MCM9: variants seen among roughly 807,000 people sequenced by gnomAD.
MCM9 encodes the protein minichromosome maintenance 9 homologous recombination repair factor.
MCM9 carries 55 observed loss-of-function variants against 72.8 expected under a neutral mutation model. The observed-to-expected ratio is 0.76, with a 90% confidence interval of 0.61 to 0.95. The LOEUF is 0.95. MCM9 is among the 40% of genes least tolerant of loss of function. The probability of loss-of-function intolerance (pLI) is 0.00; values close to 1 mark genes in which losing one functional copy is unlikely to be tolerated. For missense variants in MCM9, 1,279 were observed against 1,377.0 expected (o/e 0.93, Z 1.13); for synonymous variants, 480 against 503.4 (o/e 0.95, Z 0.62).
chr6:118,874,705 A>T (rs1351444326), intron 8 of MCM9, among the ~76,000 whole-genome samples: 1 of 152,268 alleles, frequency 6.6e-6, no homozygotes, highest in African/African-American at 2.4e-5. Flanking sequence ...CTGAGAAAAA[A>T]ATACTCATGG....
chr6:118,894,297 T>C (rs1429695500), intron 8 of MCM9: 7 of 1,489,228 alleles, frequency 4.7e-6, no homozygotes, highest in Non-Finnish European at 6.2e-6. Context: ...AAGTCGCCGC[T>C]GCACGACGTC....
chr6:118,854,456 G>A (rs944064911), intron 9 of MCM9, among the ~76,000 whole-genome samples: 11 of 152,274 alleles, frequency 7.2e-5, no homozygotes, highest in East Asian at 1.9e-4. Context: ...AGGTTCAAGC[G>A]ATTCTCCTGC....
intron 8 of MCM9, among the ~76,000 whole-genome samples, chr6:118,882,590 A>C (rs1331642910): frequency 1.3e-5 from 2 of 152,342 alleles, no homozygotes. Flanking sequence ...TGCCAAAAAG[A>C]ACAGAGCAAT....
At chr6:118,923,422 T>C (rs1003664594) in intron 4 of MCM9, among the ~76,000 whole-genome samples, 1 of 152,110 alleles carries the variant, frequency 6.6e-6, no homozygotes, top group Non-Finnish European at 1.5e-5. Flanking sequence ...GTAGCTGCGA[T>C]TATAAGCACA....
At position 118,815,537 on chromosome 6, in the gene MCM9, T is replaced by C. The variant is rs561412771; in HGVS notation, c.2719A>G (p.Ile907Val). ...GAACCTGGAGGCTTAACATTTTCAATTGCAGGCTCTTCCACTTGCGCAAGG... is the reference window on the plus strand; with the variant it reads ...GAACCTGGAGGCTTAACATTTTCAACTGCAGGCTCTTCCACTTGCGCAAGG... ...KSLAQVEEPA[I>V]ENVKPPGSPV... Residue 907 changes from isoleucine (I) to valine (V), a missense_variant, in exon 14 of 14, where the codon ATT becomes GTT. Coordinates refer to ENST00000619706, the MANE Select transcript of MCM9 (RefSeq NM_017696.3). 3.9e-6 allele frequency: 6 copies of C among 1,548,408 alleles called. No individual in the cohort carries two copies. The highest frequency in any genetic ancestry group is 1.2e-5 in the South Asian group (1 of 83,550).
At chr6:118,909,888 G>A (rs1412539238) in intron 8 of MCM9, among the ~76,000 whole-genome samples, 2 of 152,218 alleles carry the variant, frequency 1.3e-5, no homozygotes, top group East Asian at 1.9e-4. Context: ...AGGCTGAGGC[G>A]GGTGGATCAT....
chr6:118,830,870 C>T (rs1438214393), intron 9 of MCM9, among the ~76,000 whole-genome samples: 1 of 152,082 alleles, frequency 6.6e-6, no homozygotes, highest in African/African-American at 2.4e-5. Context: ...AACAGAACTG[C>T]TGGGGAAAGA....
intron 9 of MCM9, among the ~76,000 whole-genome samples, chr6:118,841,903 C>T (rs1429521548): frequency 6.6e-6 from 1 of 151,560 alleles, no homozygotes; most frequent in Non-Finnish European, 1.5e-5. Context: ...GGCGTGATCC[C>T]AGCTCACTGC....
intron 9 of MCM9, among the ~76,000 whole-genome samples, chr6:118,836,975 A>C (rs1775005331): frequency 6.6e-6 from 1 of 152,096 alleles, no homozygotes; most frequent in South Asian, 2.1e-4. Context: ...GGGGTGCTGA[A>C]TTTAGATCTT....
chr6:118,929,556 G>A (rs1021336677), intron 3 of MCM9, among the ~76,000 whole-genome samples: 15 of 152,198 alleles, frequency 9.9e-5, no homozygotes, highest in African/African-American at 3.4e-4. Context: ...AGACAGGATT[G>A]TATTACTTAA....
At chr6:118,917,835 C>A in intron 5 of MCM9, 74 bp from the exon 6 acceptor site, 1 of 1,314,918 alleles carries the variant, frequency 7.6e-7, no homozygotes, top group South Asian at 1.2e-5. Context: ...GACAAAGGAC[C>A]AGAAATTAGA....
chr6:118,830,058 G>A (rs1414846222), intron 9 of MCM9, among the ~76,000 whole-genome samples: 1 of 152,178 alleles, frequency 6.6e-6, no homozygotes, highest in Non-Finnish European at 1.5e-5. Context: ...AGAGGGACAA[G>A]GTAGTCCTAA....
intron 3 of MCM9, 52 bp from the exon 4 acceptor site, chr6:118,924,179 C>T: frequency 1.4e-6 from 2 of 1,478,414 alleles, no homozygotes; most frequent in Middle Eastern, 1.8e-4. Flanking sequence ...AGATTTGACT[C>T]CAAGGGATAT....
rs111567589 is a variant in MCM9 at position 118,829,188 on chromosome 6, T to C, written c.1388A>G (p.Tyr463Cys). 1 of 1,550,702 alleles carries C rather than the reference T, an allele frequency of 6.4e-7. No homozygotes were observed. The highest frequency in any genetic ancestry group is 1.2e-5 in the South Asian group (1 of 84,060). ...CACAGACACGGACTCCTGGGGGTCG[T>C]ACTGGCCTTTGGGGTTCGTTGCTGC... ...ILAATNPKGQ[Y>C]DPQESVSVNI... Residue 463 changes from tyrosine to cysteine, a missense_variant, in exon 10 of 14, where the codon TAC (tyrosine) becomes TGC (cysteine). By Grantham distance (194) the Tyr-to-Cys change is radical. Coordinates refer to ENST00000619706, the MANE Select transcript of MCM9 (RefSeq NM_017696.3).
chr6:118,825,655 A>AT (rs1774119608), intron 13 of MCM9, among the ~76,000 whole-genome samples: 1 of 152,202 alleles, frequency 6.6e-6, no homozygotes, highest in African/African-American at 2.4e-5. Flanking sequence ...AGAAGTCCAC[A>AT]TATTTCGGGA....
At chr6:118,886,862 G>T (rs563445954) in intron 8 of MCM9, among the ~76,000 whole-genome samples, 1 of 152,260 alleles carries the variant, frequency 6.6e-6, no homozygotes, top group South Asian at 2.1e-4. Flanking sequence ...CTACTCTGGA[G>T]GCTGACGTTG....
chr6:118,930,564 A>C (rs1782337786), intron 3 of MCM9, among the ~76,000 whole-genome samples: 1 of 152,232 alleles, frequency 6.6e-6, no homozygotes, highest in East Asian at 1.9e-4. Context: ...TTTATACAAT[A>C]ATGGCATAGT....
Position 118,913,298 on chromosome 6 carries a change from T to C in MCM9, c.1027A>G (p.Arg343Gly). The C allele has an allele frequency of 6.2e-7, 1 of 1,614,120 alleles. No individual in the cohort carries two copies. The highest frequency in any genetic ancestry group is 8.5e-7 in the Non-Finnish European group (1 of 1,179,992). ...QRTDATGTRV[R>G]GESHLLLVGD... ...AAATTTCTAAATAGGTACTAACCTC[T>C]GACCCGTGTTCCTGTAGCATCAGTC... The change falls in exon 7 of 14, where the codon AGA becomes GGA. Residue 343 changes from arginine to glycine, a missense_variant. Coordinates refer to ENST00000619706, the MANE Select transcript of MCM9 (RefSeq NM_017696.3).
In MCM9 at chr6:118,814,091, T is replaced by C. The variant is rs2114481982; in HGVS notation, c.*733A>G. The C allele has an allele frequency of 6.6e-6, 1 of 152,256 alleles. No individual in the cohort carries two copies. Among genetic ancestry groups the C allele is most frequent in the East Asian group, 1.9e-4 (1 of 5,172 alleles). The allele number at this position is 152,256 out of a possible 1,614,324, so 9.4% of individuals were successfully genotyped here. A position where few individuals can be genotyped will look rare whatever the true frequency, so the allele number is the denominator to read the frequency against. ...CTCTCTTCTTCTAATCACAGTATTT[T>C]ACTTGGTTGAAGGTAGGCCCCCAAG... On this transcript the variant is annotated 3_prime_UTR_variant, in exon 14 of 14. Coordinates refer to ENST00000619706, the MANE Select transcript of MCM9 (RefSeq NM_017696.3).
Sources: gnomAD v4.1 joint callset for allele counts (sites outside exome capture counted in the v4.1 genomes callset) on GRCh38, gnomAD v4.1.1 for gene constraint, MANE v1.5 for transcripts, NCBI Gene and HGNC (gene_info 2026-07-23, HGNC 2026-07-21) for gene names.